The following ARFIP1 variants were observed in gnomAD, a reference collection of about 807,000 sequenced individuals.
ARFIP1 encodes the protein ARF interacting protein 1.
ARFIP1 carries 24 observed loss-of-function variants against 42.5 expected under a neutral mutation model. That is an observed-to-expected ratio of 0.57 (90% confidence interval 0.41 to 0.80). The LOEUF is 0.80. Among genes scored for constraint, ARFIP1 ranks in the 30% least tolerant of loss-of-function variants. ARFIP1 has a pLI of 0.00. For synonymous variants in ARFIP1, 141 were observed against 153.7 expected (o/e 0.92, Z 0.61); for missense variants, 354 against 434.0 (o/e 0.82, Z 1.64).
intron 7 of ARFIP1, among the ~76,000 whole-genome samples, chr4:152,885,044 A>G (rs1019912893): frequency 6.6e-6 from 1 of 152,070 alleles, no homozygotes; most frequent in Non-Finnish European, 1.5e-5. Context: ...ATTACAATGT[A>G]TGATCTTATT....
intron 3 of ARFIP1, among the ~76,000 whole-genome samples, chr4:152,870,118 G>A (rs763336443): frequency 2.6e-5 from 4 of 152,182 alleles, no homozygotes; most frequent in Non-Finnish European, 5.9e-5. Context: ...GTAGGTTTGG[G>A]TTCAGTAGGT....
chr4:152,853,426 G>GT (rs1733156073), intron 2 of ARFIP1, among the ~76,000 whole-genome samples: 2 of 152,128 alleles, frequency 1.3e-5, no homozygotes, highest in Admixed American at 6.5e-5. Flanking sequence ...TGGTAATTTT[G>GT]TTGGATATAG....
intron 1 of ARFIP1, among the ~76,000 whole-genome samples, chr4:152,811,109 T>TTTTTTTTTTG (rs1421260774): frequency 6.6e-6 from 1 of 151,224 alleles, no homozygotes. Flanking sequence ...TTTTTTTTTT[T>TTTTTTTTTTG]TTTCAGTTTG....
rs1579003304 is a variant in ARFIP1, at chr4:152,883,240, C to G, written c.791+360C>G. ...CCTTGGTCATGTGCCCAAACCCTGCCTTCTAGTGAGTAGGGAAATGGAGGA... is the reference window on the plus strand; with the variant it reads ...CCTTGGTCATGTGCCCAAACCCTGCGTTCTAGTGAGTAGGGAAATGGAGGA... On this transcript the variant is annotated intron_variant, in intron 7 of 8. Coordinates refer to ENST00000353617, the MANE Select transcript of ARFIP1 (RefSeq NM_001025595.3). 5.4e-5 allele frequency: 11 copies of G among 203,364 alleles called. No individual in the cohort carries two copies. The South Asian group carries it at 9.2e-4, about 17-fold the overall frequency. 12.6% of individuals were successfully genotyped at this position (203,364 alleles called of 1,614,324 possible). A position where few individuals can be genotyped will look rare whatever the true frequency, so the allele number is the denominator to read the frequency against.
In ARFIP1 at chr4:152,780,215, A is replaced by C. The variant is rs2149808898; in HGVS notation, c.-21A>C. 6.6e-6 allele frequency: 1 copy of C among 152,340 alleles called. No individual in the cohort carries two copies. Among genetic ancestry groups the C allele is most frequent in the East Asian group, 1.9e-4 (1 of 5,178 alleles). 9.4% of individuals were successfully genotyped at this position (152,340 alleles called of 1,614,324 possible). On this transcript the variant is annotated 5_prime_UTR_variant, in exon 1 of 9. Coordinates refer to ENST00000353617, the MANE Select transcript of ARFIP1 (RefSeq NM_001025595.3). ...GCCTCGACTTAGAAGCTACCGAGTT[A>C]CCCTAAGAAAGGTGAGGGCGGAGCT...
intron 2 of ARFIP1, among the ~76,000 whole-genome samples, chr4:152,830,173 A>T (rs1331245084): frequency 1.3e-5 from 2 of 152,090 alleles, no homozygotes; most frequent in Non-Finnish European, 2.9e-5. Context: ...GGTGCATTTA[A>T]TTTTGATCTG....
intron 2 of ARFIP1, among the ~76,000 whole-genome samples, chr4:152,843,924 G>A (rs919026052): frequency 5.9e-5 from 9 of 152,120 alleles, no homozygotes; most frequent in Non-Finnish European, 8.8e-5. Flanking sequence ...CCCCTGACTT[G>A]TGGCCAGGAG....
At chr4:152,905,276 G>C (rs1272048274) in intron 8 of ARFIP1, among the ~76,000 whole-genome samples, 1 of 152,162 alleles carries the variant, frequency 6.6e-6, no homozygotes, top group Non-Finnish European at 1.5e-5. Flanking sequence ...ACTTTTCTAA[G>C]ATGCTTATAC....
At chr4:152,821,066 T>A (rs1730327240) in intron 1 of ARFIP1, among the ~76,000 whole-genome samples, 1 of 152,136 alleles carries the variant, frequency 6.6e-6, no homozygotes, top group East Asian at 1.9e-4. Context: ...AAACTAATTC[T>A]GGCAATATGA....
At chr4:152,866,295 A>G (rs907687399) in intron 3 of ARFIP1, among the ~76,000 whole-genome samples, 8 of 152,210 alleles carry the variant, frequency 5.3e-5, no homozygotes, top group Non-Finnish European at 1.0e-4. Context: ...GCAACCATCC[A>G]ATTTCTCAAT....
rs138014861 is a variant in ARFIP1 at position 152,835,979 on chromosome 4, A to T, written c.93+6253A>T. Among the ~76,000 whole-genome samples, 227 of 152,132 alleles carry T rather than the reference A, an allele frequency of 1.5e-3. 1 individual carries two copies. The highest frequency in any genetic ancestry group is 5.3e-3 in the African/African-American group (220 of 41,492). Reference sequence around the variant, plus strand: ...CAGATCTCATGTGGACTGGGTGAGAACTCATCACCAAGGGGATGGTCCTAA... The same window carrying T: ...CAGATCTCATGTGGACTGGGTGAGATCTCATCACCAAGGGGATGGTCCTAA... On this transcript the variant is annotated intron_variant, in intron 2 of 8. Coordinates refer to ENST00000353617, the MANE Select transcript of ARFIP1 (RefSeq NM_001025595.3).
chr4:152,895,592 G>C (rs1484291902), intron 8 of ARFIP1, among the ~76,000 whole-genome samples: 1 of 110,410 alleles, frequency 9.1e-6, no homozygotes, highest in African/African-American at 3.5e-5. Flanking sequence ...ATAGGGTGTT[G>C]TTCTGTCATC....
In ARFIP1 at chr4:152,782,223, GGT is replaced by G. The variant is rs71598214; in HGVS notation, c.-10+2032_-10+2033del. On this transcript the variant is annotated intron_variant, in intron 1 of 8. Transcript: ENST00000353617. The stretch of plus-strand genomic sequence containing the variant: ...GTTGAAGTTAGTGAAAACAGGTAGG[GGT>G]GTGTGTGTGTGTGTGTGTGTGTGTG... Among the ~76,000 whole-genome samples the G allele has an allele frequency of 6.8e-3, 1,018 of 148,640 alleles. 5 individuals carry two copies. Among genetic ancestry groups the G allele is most frequent in the African/African-American group, 0.016 (632 of 40,046 alleles).
At chr4:152,790,987 C>G (rs1033654888) in intron 1 of ARFIP1, among the ~76,000 whole-genome samples, 4 of 152,002 alleles carry the variant, frequency 2.6e-5, no homozygotes, top group African/African-American at 9.7e-5. Context: ...ATCCACTGGC[C>G]TTGGCCTCCC....
intron 1 of ARFIP1, among the ~76,000 whole-genome samples, chr4:152,792,563 C>T (rs1036379207): frequency 2.0e-5 from 3 of 152,114 alleles, no homozygotes; most frequent in Admixed American, 6.5e-5. Flanking sequence ...TTATGTTCAA[C>T]AACACTCCTG....
chr4:152,814,919 C>A (rs1311399478), intron 1 of ARFIP1, among the ~76,000 whole-genome samples: 1 of 152,182 alleles, frequency 6.6e-6, no homozygotes, highest in African/African-American at 2.4e-5. Flanking sequence ...CTTTCTGATA[C>A]TTTCAGGGGA....
In ARFIP1 at chr4:152,888,280, C is replaced by A; in HGVS notation, c.939C>A (p.Val313=). The A allele has an allele frequency of 6.2e-7, 1 of 1,606,230 alleles. No individual in the cohort carries two copies. The highest frequency in any genetic ancestry group is 1.1e-5 in the South Asian group (1 of 89,700). The change falls in exon 8 of 9, where the codon GTC becomes GTA. Residue 313 remains valine (V), a synonymous_variant. Coordinates refer to ENST00000353617, the MANE Select transcript of ARFIP1 (RefSeq NM_001025595.3). ...ATAAAATGCGCAATGATGTTTCTGT[C>A]AAATTGAAATTTCTAGAAGAAAATA... ...KYDKMRNDVS[V]KLKFLEENKV...
intron 2 of ARFIP1, among the ~76,000 whole-genome samples, chr4:152,860,410 C>T (rs1411539484): frequency 6.6e-6 from 1 of 152,090 alleles, no homozygotes; most frequent in African/African-American, 2.4e-5. Context: ...AAATCAGAGC[C>T]AGTTCTCAGA....
At chr4:152,899,800 G>C (rs191714459) in intron 8 of ARFIP1, among the ~76,000 whole-genome samples, 1 of 152,122 alleles carries the variant, frequency 6.6e-6, no homozygotes, top group East Asian at 1.9e-4. Flanking sequence ...GTAAATGGAG[G>C]AAAGTTGCTA....
Sources: gnomAD v4.1 joint callset for allele counts (sites outside exome capture counted in the v4.1 genomes callset) on GRCh38, gnomAD v4.1.1 for gene constraint, MANE v1.5 for transcripts, NCBI Gene and HGNC (gene_info 2026-07-23, HGNC 2026-07-21) for gene names.